The following SVEP1 variants were observed in gnomAD, a reference collection of about 807,000 sequenced individuals.
SVEP1 encodes the protein sushi, von Willebrand factor type A, EGF and pentraxin domain-containing protein 1.
A neutral mutation model predicts 367.3 loss-of-function variants in SVEP1; 164 were observed. That is an observed-to-expected ratio of 0.45 (90% CI 0.39 to 0.51). SVEP1 has a LOEUF of 0.51. Ranked by LOEUF, SVEP1 falls within the 20% of genes least tolerant of loss-of-function variation. The pLI is 0.00. For synonymous variants in SVEP1, 1,666 were observed against 1,611.6 expected, an observed-to-expected ratio of 1.03 and a Z score of -0.81; for missense variants, 4,117 against 4,425.3, an observed-to-expected ratio of 0.93 and a Z score of 1.98.
intron 46 of SVEP1, among the ~76,000 whole-genome samples, chr9:110,374,913 A>T (rs1419990120): frequency 6.6e-6 from 1 of 152,164 alleles, no homozygotes; most frequent in Non-Finnish European, 1.5e-5. Context: ...AATAGCAAAG[A>T]CACGGAATCA....
Position 110,550,059 on chromosome 9 carries a change from G to C in SVEP1, c.577C>G (p.Leu193Val). The change falls in exon 2 of 48, where the codon CTC (leucine) becomes GTC (valine). Residue 193 changes from leucine to valine, a missense_variant. By Grantham distance (32) the Leu-to-Val change is conservative. Around this residue, in one of 4 missense-constraint regions of SVEP1, gnomAD observed 2,174 missense variants for 2,494.3 expected, o/e 0.87. Coordinates refer to ENST00000374469, the MANE Select transcript of SVEP1 (RefSeq NM_153366.4). ...CCATTGGAATATCCATCAGTGATGAGAAATACAACTTTTGTTGAGTTTTCT... is the reference window on the plus strand; with the variant it reads ...CCATTGGAATATCCATCAGTGATGACAAATACAACTTTTGTTGAGTTTTCT... ...ARENSTKVVF[L>V]ITDGYSNGGD... 3 of 1,614,020 alleles carry C rather than the reference G, an allele frequency of 1.9e-6. No homozygotes were observed. Among genetic ancestry groups the C allele is most frequent in the Non-Finnish European group, 2.5e-6 (3 of 1,179,876 alleles).
chr9:110,513,024 C>T lies in SVEP1; in HGVS notation c.1205G>A (p.Cys402Tyr). ...AAATCCAGGGTGACATCGGACCCCACAGGCTGCATTGAAGTGGTTGTTGCA... is the reference window on the plus strand; with the variant it reads ...AAATCCAGGGTGACATCGGACCCCATAGGCTGCATTGAAGTGGTTGTTGCA... ...NTCNNHFNAA[C>Y]GVRCHPGFDL... The change falls in exon 5 of 48, where the codon TGT becomes TAT. Residue 402 changes from cysteine to tyrosine, a missense_variant. By Grantham distance (194) the Cys-to-Tyr change is radical. Around this residue, in one of 4 missense-constraint regions of SVEP1, gnomAD observed 2,174 missense variants for 2,494.3 expected, o/e 0.87. Transcript: ENST00000374469. The T allele has an allele frequency of 1.2e-6, 2 of 1,614,018 alleles. No individual in the cohort carries two copies. The highest frequency in any genetic ancestry group is 1.6e-4 in the Middle Eastern group (1 of 6,062).
intron 8 of SVEP1, among the ~76,000 whole-genome samples, chr9:110,490,376 C>T (rs779803670): frequency 1.3e-5 from 2 of 152,028 alleles, no homozygotes; most frequent in African/African-American, 4.8e-5. Flanking sequence ...AATATATGAT[C>T]GATTATCGTA....
chr9:110,482,958 A>T (rs1588074985), intron 10 of SVEP1, among the ~76,000 whole-genome samples: 1 of 152,324 alleles, frequency 6.6e-6, no homozygotes, highest in South Asian at 2.1e-4. Flanking sequence ...GTAACATAGA[A>T]ATAGTAGATT....
At position 110,406,880 on chromosome 9, in the gene SVEP1, T is replaced by C; in HGVS notation, c.8720A>G (p.Tyr2907Cys). 2 of 1,614,008 alleles carry C rather than the reference T, an allele frequency of 1.2e-6. No individual in the cohort carries two copies. Among genetic ancestry groups the C allele is most frequent in the Non-Finnish European group, 1.7e-6 (2 of 1,179,890 alleles). The change falls in exon 38 of 48, where the codon TAT (tyrosine) becomes TGT (cysteine). Residue 2907 changes from tyrosine (Y) to cysteine (C), a missense_variant. Physicochemically the swap from Tyr to Cys is radical, Grantham distance 194. Coordinates refer to ENST00000374469, the MANE Select transcript of SVEP1 (RefSeq NM_153366.4). ...GAATGTTACTTCCTTCATGAAGCCATAGTCCAGGCCTTCCGTCACCCCATT... is the reference window on the plus strand; with the variant it reads ...GAATGTTACTTCCTTCATGAAGCCACAGTCCAGGCCTTCCGTCACCCCATT... Reference protein sequence around the residue: ...LANGVTEGLDYGFMKEVTFHC... With the variant: ...LANGVTEGLDCGFMKEVTFHC...
In SVEP1 at chr9:110,445,908, G is replaced by A. The variant is rs1222414600; in HGVS notation, c.4392C>T (p.Asn1464=). The change falls in exon 26 of 48, where the codon AAC becomes AAT. Residue 1464 remains asparagine, a synonymous_variant. Transcript: ENST00000374469. ...CTGCATAGGAGATTGGTGTTCCATA[G>A]TTCATGTCGTCAGAGGATTTCATCC... ...TFWMKSSDDM[N]YGTPISYAVD... The A allele has an allele frequency of 2.5e-6, 4 of 1,613,936 alleles. No homozygotes were observed. Among genetic ancestry groups the A allele is most frequent in the Middle Eastern group, 1.6e-4 (1 of 6,062 alleles).
chr9:110,448,936 G>A (rs4557772), intron 24 of SVEP1, among the ~76,000 whole-genome samples: 5,248 of 152,286 alleles, frequency 0.034, 305 homozygotes, highest in African/African-American at 0.12. Context: ...GGTAATGGAA[G>A]GGGGCTGAAC....
At chr9:110,559,195 C>T (rs912507274) in intron 1 of SVEP1, among the ~76,000 whole-genome samples, 1 of 151,862 alleles carries the variant, frequency 6.6e-6, no homozygotes, top group Admixed American at 6.6e-5. Context: ...AACTTCCTAG[C>T]TAACATAATA....
chr9:110,427,843 A>T (rs962708617), intron 35 of SVEP1, 85 bp from the exon 36 acceptor site: 1 of 1,481,942 alleles, frequency 6.7e-7, no homozygotes, highest in African/African-American at 1.4e-5. Context: ...GGAGAAAATA[A>T]GGGACATTTG....
rs181774764 is a variant in SVEP1, at chr9:110,414,799, C to T, written c.5976-3064G>A. Among the ~76,000 whole-genome samples, 180 of 151,836 alleles carry T rather than the reference C, an allele frequency of 1.2e-3. 2 individuals are homozygous for T. Among genetic ancestry groups the T allele is most frequent in the African/African-American group, 2.0e-3 (84 of 41,276 alleles). On this transcript the variant is annotated intron_variant, in intron 36 of 47. Transcript: ENST00000374469. ...AAGAGCAGCCTACTAGATATTTAAA[C>T]GGCTGCAATTTAATAAGAACAACAG...
intron 3 of SVEP1, among the ~76,000 whole-genome samples, chr9:110,526,217 C>T (rs1002773312): frequency 9.2e-5 from 14 of 151,886 alleles, no homozygotes; most frequent in African/African-American, 3.1e-4. Flanking sequence ...ACTGTAAAAG[C>T]CTCTCATAGA....
chr9:110,509,677 T>G (rs1391722878), intron 5 of SVEP1, among the ~76,000 whole-genome samples: 1 of 152,170 alleles, frequency 6.6e-6, no homozygotes, highest in Non-Finnish European at 1.5e-5. Context: ...CACCCATGCA[T>G]GGTTTTTAAT....
intron 39 of SVEP1, among the ~76,000 whole-genome samples, chr9:110,401,438 G>A (rs555252467): frequency 5.7e-4 from 86 of 151,454 alleles, no homozygotes; most frequent in African/African-American, 2.0e-3. Flanking sequence ...ACTACTCAAA[G>A]TTTAAGAAAA....
intron 18 of SVEP1, among the ~76,000 whole-genome samples, chr9:110,462,497 A>T (rs1467717725): frequency 6.6e-6 from 1 of 150,968 alleles, no homozygotes; most frequent in Non-Finnish European, 1.5e-5. Context: ...ATATATATGT[A>T]TATATAAACA....
chr9:110,546,180 G>C lies in SVEP1; in HGVS notation c.899C>G (p.Thr300Arg). 1.3e-6 allele frequency: 2 copies of C among 1,560,964 alleles called. No homozygotes were observed. Among genetic ancestry groups the C allele is most frequent in the Non-Finnish European group, 1.7e-6 (2 of 1,151,902 alleles). Residue 300 changes from threonine (T) to arginine (R), a missense_variant, in exon 3 of 48, where the codon ACA becomes AGA. Physicochemically the swap from Thr to Arg is moderately conservative, Grantham distance 71. Transcript: ENST00000374469. ...TTCACAGATGCACTCAAAATGGCCTGTGTGTGTCCCACATTTGCAGCTTCC... is the reference window on the plus strand; with the variant it reads ...TTCACAGATGCACTCAAAATGGCCTCTGTGTGTCCCACATTTGCAGCTTCC... ...RMGSCKCGTH[T>R]GHFECICEKG...
chr9:110,463,017 A>G (rs1334527721), intron 18 of SVEP1, among the ~76,000 whole-genome samples: 1 of 152,130 alleles, frequency 6.6e-6, no homozygotes, highest in Non-Finnish European at 1.5e-5. Context: ...GTATATGTGC[A>G]TAAGAATATC....
chr9:110,468,738 C>T (rs1328905918), intron 17 of SVEP1, among the ~76,000 whole-genome samples: 2 of 152,180 alleles, frequency 1.3e-5, no homozygotes, highest in Non-Finnish European at 2.9e-5. Flanking sequence ...TACAGGTTTC[C>T]CTGATTCATT....
intron 16 of SVEP1, among the ~76,000 whole-genome samples, chr9:110,470,147 C>G (rs949496679): frequency 7.2e-5 from 11 of 151,888 alleles, no homozygotes; most frequent in African/African-American, 2.7e-4. Context: ...TGGAATTGAC[C>G]CAGATCATGG....
At chr9:110,523,827 G>C (rs1280339256) in intron 3 of SVEP1, among the ~76,000 whole-genome samples, 1 of 151,562 alleles carries the variant, frequency 6.6e-6, no homozygotes, top group Admixed American at 6.6e-5. Context: ...ACCCAAATTA[G>C]AGGGAAGGAA....
Sources: gnomAD v4.1 joint callset for allele counts (sites outside exome capture counted in the v4.1 genomes callset) on GRCh38, gnomAD v4.1.1 for gene constraint, gnomAD v4.1.1 regional missense constraint, MANE v1.5 for transcripts, NCBI Gene and HGNC (gene_info 2026-07-23, HGNC 2026-07-21) for gene names.